MMACHC: variants seen among roughly 807,000 people sequenced by gnomAD.
The protein encoded by MMACHC is metabolism of cobalamin associated C.
In MMACHC, 14 loss-of-function variants were observed where a neutral mutation model predicts 17.6. The ratio of observed to expected loss-of-function variants is 0.80; its 90% CI spans 0.53 to 1.25. The LOEUF is 1.25. MMACHC is among the 50% of genes most tolerant of loss of function. The pLI, the probability that MMACHC is intolerant of heterozygous loss-of-function variation, is 0.00. For missense variants in MMACHC, 392 were observed against 364.5 expected (o/e 1.08, Z -0.62); for synonymous variants, 151 against 142.1 (o/e 1.06, Z -0.45).
Position 45,507,501 on chromosome 1 carries a change from C to A in MMACHC, c.227C>A (p.Thr76Asn). ...FLQSCHLRML[T>N]DPVDQCVAYH... ...CAGAGCTGCCACCTCCGAATGCTGA[C>A]TGACCCAGTGGACCAGTGTGTGGCC... Residue 76 changes from threonine (T) to asparagine (N), a missense_variant, in exon 2 of 4, where the codon ACT (threonine) becomes AAT (asparagine). By Grantham distance (65) the Thr-to-Asn change is moderately conservative (BLOSUM62 0). Transcript: ENST00000401061. The A allele has an allele frequency of 6.2e-7, 1 of 1,614,220 alleles. No individual in the cohort carries two copies. The highest frequency in any genetic ancestry group is 8.5e-7 in the Non-Finnish European group (1 of 1,180,032).
Position 45,508,961 on chromosome 1 carries a change from C to T in MMACHC, c.595C>T (p.His199Tyr), listed in dbSNP as rs1053868671. ...CGCCCTACTCGAAGGCTTCAATTTC[C>T]ACTGGCGTGATTGGACTTACCGGGA... ...RIALLEGFNF[H>Y]WRDWTYRDAV... Residue 199 changes from histidine (H) to tyrosine (Y), a missense_variant, in exon 4 of 4, where the codon CAC becomes TAC. Coordinates refer to ENST00000401061, the MANE Select transcript of MMACHC (RefSeq NM_015506.3). 2.5e-6 allele frequency: 4 copies of T among 1,614,186 alleles called. No individual in the cohort carries two copies. The Admixed American group carries it at 6.7e-5, about 27-fold the overall frequency.
rs1176135463 is a variant in MMACHC at position 45,512,548 on chromosome 1, T to A, written c.*3333T>A. The A allele has an allele frequency of 6.6e-5, 10 of 150,464 alleles. No homozygotes were observed. Among genetic ancestry groups the A allele is most frequent in the African/African-American group, 2.4e-4 (10 of 40,964 alleles). The allele number at this position is 150,464 out of a possible 1,614,324, so 9.3% of individuals were successfully genotyped here. ...GACTCTGTCTCAAAAAAAAAAAGTGTTTGGCATTCATTGGCTCTTAAATGG... is the reference window on the plus strand; with the variant it reads ...GACTCTGTCTCAAAAAAAAAAAGTGATTGGCATTCATTGGCTCTTAAATGG... On this transcript the variant is annotated 3_prime_UTR_variant, in exon 4 of 4. Coordinates refer to ENST00000401061, the MANE Select transcript of MMACHC (RefSeq NM_015506.3).
rs1289618918 is a variant in MMACHC at position 45,507,360 on chromosome 1, CATGGTACA to C, written c.90_97del (p.Trp30Ter). 6.2e-7 allele frequency: 1 copy of C among 1,613,988 alleles called. No individual in the cohort carries two copies. Among genetic ancestry groups the C allele is most frequent in the Non-Finnish European group, 8.5e-7 (1 of 1,180,000 alleles). On this transcript the variant is annotated frameshift_variant, in exon 2 of 4. Transcript: ENST00000401061. LOFTEE classifies it high-confidence loss of function. ...GGCCTGAACTTTCTGTTTCAGGTGG[CATGGTACA>C]ATGAACTCTTGCCTCCAGCCTTCCA... is the stretch of plus-strand genomic sequence containing the variant.
At chr1:45,502,489 C>T (rs982648240) in intron 1 of MMACHC, among the ~76,000 whole-genome samples, 2 of 152,112 alleles carry the variant, frequency 1.3e-5, no homozygotes, top group Admixed American at 1.3e-4. Context: ...CCTCCTGCTT[C>T]GGCCAGCCAC....
intron 1 of MMACHC, among the ~76,000 whole-genome samples, chr1:45,504,887 G>A (rs911561460): frequency 2.0e-5 from 3 of 152,016 alleles, no homozygotes; most frequent in Non-Finnish European, 2.9e-5. Context: ...GCCAAGGTGG[G>A]CAGATCAGTT....
intron 1 of MMACHC, among the ~76,000 whole-genome samples, chr1:45,506,433 T>C (rs1643620819): frequency 6.6e-6 from 1 of 152,178 alleles, no homozygotes; most frequent in Non-Finnish European, 1.5e-5. Flanking sequence ...CAGTTGTGGA[T>C]TTAGGAACTC....
rs757276357 is a variant in MMACHC, at chr1:45,506,474, A to T, written c.82-882A>T. ...TGTGGGTCCTCGTTCCTGGGTTTTT[A>T]ATTTTCTTTTATTATTATTATTATT... On this transcript the variant is annotated intron_variant, in intron 1 of 3. Transcript: ENST00000401061. 6.9e-4 allele frequency among the ~76,000 whole-genome samples: 104 copies of T among 151,740 alleles called. 1 individual carries two copies. Among genetic ancestry groups the T allele is most frequent in the Non-Finnish European group, 1.1e-3 (74 of 67,924 alleles).
At chr1:45,507,645 C>A in intron 2 of MMACHC, 95 bp downstream of exon 2, 1 of 1,380,210 alleles carries the variant, frequency 7.2e-7, no homozygotes, top group Non-Finnish European at 1.0e-6. Flanking sequence ...GGCTAGGAGC[C>A]ACTTCAAAGG....
Position 45,507,487 on chromosome 1 carries a change from C to T in MMACHC, c.213C>T (p.His71=), listed in dbSNP as rs746112343. ...RALKPFLQSC[H]LRMLTDPVDQ... ...TCAAGCCCTTCTTGCAGAGCTGCCA[C>T]CTCCGAATGCTGACTGACCCAGTGG... The change falls in exon 2 of 4, where the codon CAC becomes CAT. Residue 71 remains histidine (H), a synonymous_variant. Transcript: ENST00000401061. The T allele has an allele frequency of 2.5e-6, 4 of 1,614,072 alleles. No homozygotes were observed. The highest frequency in any genetic ancestry group is 3.4e-6 in the Non-Finnish European group (4 of 1,180,034).
Position 45,508,239 on chromosome 1 carries a change from A to G in MMACHC, c.304A>G (p.Ile102Val), listed in dbSNP as rs752195629. The change falls in exon 3 of 4, where the codon ATT becomes GTT. Residue 102 changes from isoleucine (I) to valine (V), a missense_variant. Coordinates refer to ENST00000401061, the MANE Select transcript of MMACHC (RefSeq NM_015506.3). Reference protein sequence around the residue: ...ESLPELQIEIIADYEVHPNRR... With the variant: ...ESLPELQIEIVADYEVHPNRR... ...CCTCCCAGAGCTGCAGATAGAAATC[A>G]TTGCTGACTACGAGGTGCACCCCAA... 2 of 1,614,036 alleles carry G rather than the reference A, an allele frequency of 1.2e-6. No individual in the cohort carries two copies. The highest frequency in any genetic ancestry group is 2.7e-5 in the African/African-American group (2 of 74,912).
Position 45,512,570 on chromosome 1 carries a change from A to G in MMACHC, c.*3355A>G, listed in dbSNP as rs1643774871. 6.6e-6 allele frequency: 1 copy of G among 151,932 alleles called. No individual in the cohort carries two copies. Among genetic ancestry groups the G allele is most frequent in the South Asian group, 2.1e-4 (1 of 4,810 alleles). 9.4% of individuals were successfully genotyped at this position (151,932 alleles called of 1,614,324 possible). ...GTGTTTGGCATTCATTGGCTCTTAA[A>G]TGGTACCTATTTAAGAGGCTGTACA... On this transcript the variant is annotated 3_prime_UTR_variant, in exon 4 of 4. Transcript: ENST00000401061.
At position 45,500,375 on chromosome 1, in the gene MMACHC, A is replaced by G. The variant is rs1352943462; in HGVS notation, c.43A>G (p.Thr15Ala). The G allele has an allele frequency of 6.2e-7, 1 of 1,614,068 alleles. No individual in the cohort carries two copies. Among genetic ancestry groups the G allele is most frequent in the Admixed American group, 1.7e-5 (1 of 60,004 alleles). Residue 15 changes from threonine (T) to alanine (A), a missense_variant, in exon 1 of 4, where the codon ACG (threonine) becomes GCG (alanine). Transcript: ENST00000401061. ...AGAGCTGAAGCAGAAGATCGAGGAC[A>G]CGCTATGTCCTTTTGGCTTCGAGGT... Reference protein sequence around the residue: ...VAELKQKIEDTLCPFGFEVYP... With the variant: ...VAELKQKIEDALCPFGFEVYP...
rs952099770 is a variant in MMACHC, at chr1:45,511,106, C to A, written c.*1891C>A. ...AGATTAATGGGTTGCTCTACTAATACATCATACAAACCAGTAGCCTGCCCA... is the reference window on the plus strand; with the variant it reads ...AGATTAATGGGTTGCTCTACTAATAAATCATACAAACCAGTAGCCTGCCCA... On this transcript the variant is annotated 3_prime_UTR_variant, in exon 4 of 4. Transcript: ENST00000401061. 2.3e-6 allele frequency: 1 copy of A among 425,556 alleles called. No homozygotes were observed. Among genetic ancestry groups the A allele is most frequent in the Non-Finnish European group, 4.2e-6 (1 of 239,510 alleles). The allele number at this position is 425,556 out of a possible 1,614,324, so 26.4% of individuals were successfully genotyped here.
At position 45,508,348 on chromosome 1, in the gene MMACHC, A is replaced by G. The variant is rs1296354064; in HGVS notation, c.413A>G (p.Asp138Gly). 6.2e-7 allele frequency: 1 copy of G among 1,614,186 alleles called. No individual in the cohort carries two copies. The highest frequency in any genetic ancestry group is 8.5e-7 in the Non-Finnish European group (1 of 1,180,032). ...TACCAACGACAAGATGTGGAGGCTG[A>G]CCCATGGGGGAACCAGGTGAGAGGG... is the stretch of plus-strand genomic sequence containing the variant. ...YYYQRQDVEA[D>G]PWGNQRISGV... The change falls in exon 3 of 4, where the codon GAC becomes GGC. Residue 138 changes from aspartate (D) to glycine (G), a missense_variant. Transcript: ENST00000401061.
Position 45,511,681 on chromosome 1 carries a change from T to C in MMACHC, c.*2466T>C, listed in dbSNP as rs1643748390. On this transcript the variant is annotated 3_prime_UTR_variant, in exon 4 of 4. Transcript: ENST00000401061. ...TCCACAAAAAAAGGCAAAGTTTAAA[T>C]AATTTGCCAACACTCTCTAATCCTT... 3.2e-6 allele frequency: 1 copy of C among 317,432 alleles called. No homozygotes were observed. The highest frequency in any genetic ancestry group is 5.7e-6 in the Non-Finnish European group (1 of 174,404). 19.7% of individuals were successfully genotyped at this position (317,432 alleles called of 1,614,324 possible).
At chr1:45,500,491 C>T (rs975714300) in intron 1 of MMACHC, 78 bp downstream of exon 1, 8 of 1,379,784 alleles carry the variant, frequency 5.8e-6, no homozygotes, top group African/African-American at 2.9e-5. Context: ...CCTCGGGAGC[C>T]TCTGATCCTC....
chr1:45,508,915 A>G lies in MMACHC; in HGVS notation c.549A>G (p.Val183=). ...CACCCAGAAAACCTCATGACTGTGT[A>G]CCTACAAGAGCTGACCGTATCGCCC... ...DLPPRKPHDC[V]PTRADRIALL... is the part of the protein sequence containing the mutation. Residue 183 remains valine (V), a synonymous_variant, in exon 4 of 4, where the codon GTA becomes GTG. Transcript: ENST00000401061. 1 of 1,614,170 alleles carries G rather than the reference A, an allele frequency of 6.2e-7. No individual in the cohort carries two copies. Among genetic ancestry groups the G allele is most frequent in the East Asian group, 2.2e-5 (1 of 44,886 alleles).
chr1:45,502,199 A>C (rs1218144961), intron 1 of MMACHC, among the ~76,000 whole-genome samples: 2 of 152,024 alleles, frequency 1.3e-5, no homozygotes, highest in African/African-American at 4.8e-5. Context: ...ACTTCCACCA[A>C]ACTAGACAAT....
At position 45,511,633 on chromosome 1, in the gene MMACHC, T is replaced by C; in HGVS notation, c.*2418T>C. 2.6e-6 allele frequency: 1 copy of C among 391,922 alleles called. No individual in the cohort carries two copies. The highest frequency in any genetic ancestry group is 2.1e-5 in the African/African-American group (1 of 48,450). 24.3% of individuals were successfully genotyped at this position (391,922 alleles called of 1,614,324 possible). On this transcript the variant is annotated 3_prime_UTR_variant, in exon 4 of 4. Coordinates refer to ENST00000401061, the MANE Select transcript of MMACHC (RefSeq NM_015506.3). ...GATACTATCATGCCTAATTTATTCA[T>C]GTAGCACTTGAAATTTAAATTTTCC...
Sources: gnomAD v4.1 joint callset for allele counts (sites outside exome capture counted in the v4.1 genomes callset) on GRCh38, gnomAD v4.1.1 for gene constraint, MANE v1.5 for transcripts, NCBI Gene and HGNC (gene_info 2026-07-23, HGNC 2026-07-21) for gene names.